Variants in LRFN2 observed in about 807,000 individuals in gnomAD.
LRFN2 encodes the protein leucine-rich repeat and fibronectin type-III domain-containing protein 2.
In LRFN2, 18 loss-of-function variants were observed where a neutral mutation model predicts 37.3. That is an observed-to-expected ratio of 0.48 (90% CI 0.33 to 0.72). LRFN2 has a LOEUF of 0.72. Ranked by LOEUF, LRFN2 falls within the 30% of genes least tolerant of loss-of-function variation. The pLI is 0.02. For synonymous variants in LRFN2, 556 were observed against 466.6 expected, an observed-to-expected ratio of 1.19 and a Z score of -2.47; for missense variants, 1,006 against 1,060.7, an observed-to-expected ratio of 0.95 and a Z score of 0.72.
At chr6:40,485,124 T>C (rs893866553) in intron 1 of LRFN2, among the ~76,000 whole-genome samples, 3 of 152,204 alleles carry the variant, frequency 2.0e-5, no homozygotes, top group Non-Finnish European at 4.4e-5. Context: ...ACAAAAGGGA[T>C]GTTTTTCAGG....
intron 2 of LRFN2, among the ~76,000 whole-genome samples, chr6:40,412,373 A>G (rs1208189021): frequency 1.3e-5 from 2 of 152,140 alleles, no homozygotes; most frequent in Non-Finnish European, 2.9e-5. Context: ...GGTTTTTTAA[A>G]TCAAGGGAAA....
In LRFN2 at chr6:40,392,369, G is replaced by A. The variant is rs779883131; in HGVS notation, c.1944C>T (p.Arg648=). The change falls in exon 3 of 3, where the codon CGC becomes CGT. Residue 648 remains arginine, a synonymous_variant. Coordinates refer to ENST00000338305, the MANE Select transcript of LRFN2 (RefSeq NM_020737.3). This position sits in a 1 kb window ranked among gnomAD's most constrained non-coding sequence, Gnocchi z 4.7. ...TCAGGCGGTCAAGGCTGGGCTTGGG[G>A]CGCGGGGCGGAGGGTGGGATCCTCC... ...APWRIPPSAP[R]PKPSLDRLMG... 6.3e-7 allele frequency: 1 copy of A among 1,599,394 alleles called. No homozygotes were observed. The highest frequency in any genetic ancestry group is 2.3e-5 in the East Asian group (1 of 44,256).
At chr6:40,463,552 C>T (rs1002136826) in intron 1 of LRFN2, among the ~76,000 whole-genome samples, 2 of 152,144 alleles carry the variant, frequency 1.3e-5, no homozygotes, top group Admixed American at 1.3e-4. Flanking sequence ...CATTCCTGCC[C>T]AGCTCTTTAG....
intron 1 of LRFN2, among the ~76,000 whole-genome samples, chr6:40,581,395 C>T (rs1213293471): frequency 6.6e-6 from 1 of 152,162 alleles, no homozygotes; most frequent in African/African-American, 2.4e-5. Context: ...CAAAGTCACA[C>T]AGCAAGTTAC....
At chr6:40,543,255 T>C (rs891867959) in intron 1 of LRFN2, among the ~76,000 whole-genome samples, 7 of 152,230 alleles carry the variant, frequency 4.6e-5, no homozygotes, top group Admixed American at 1.3e-4. Flanking sequence ...TTCTCTCTCA[T>C]TCTGGTTTCT....
intron 1 of LRFN2, among the ~76,000 whole-genome samples, chr6:40,512,139 C>A (rs1227858809): frequency 6.6e-6 from 1 of 152,130 alleles, no homozygotes; most frequent in African/African-American, 2.4e-5. Context: ...GTCTCCAACC[C>A]CCTTAAGGAG....
chr6:40,442,589 C>T (rs1020033313), intron 1 of LRFN2, among the ~76,000 whole-genome samples: 2 of 152,008 alleles, frequency 1.3e-5, no homozygotes, highest in Non-Finnish European at 2.9e-5. Context: ...GACTGGGGCT[C>T]TCTGAGGACA....
intron 1 of LRFN2, among the ~76,000 whole-genome samples, chr6:40,546,939 T>C (rs1386167664): frequency 1.3e-5 from 2 of 152,180 alleles, no homozygotes; most frequent in African/African-American, 4.8e-5. Context: ...TCTTCATTTG[T>C]CAAATGAGAC....
chr6:40,443,746 C>A (rs1389591123), intron 1 of LRFN2, among the ~76,000 whole-genome samples: 1 of 152,026 alleles, frequency 6.6e-6, no homozygotes, highest in Non-Finnish European at 1.5e-5. Flanking sequence ...GATGAAGGGA[C>A]CATTTAGAGA....
At chr6:40,393,113 A>G (rs1392524798) in intron 2 of LRFN2, among the ~76,000 whole-genome samples, 1 of 149,348 alleles carries the variant, frequency 6.7e-6, no homozygotes, top group Non-Finnish European at 1.5e-5. Context: ...AAGGAGAGAG[A>G]AGGAGAGACA....
Position 40,423,511 on chromosome 6 carries a change from C to A in LRFN2, c.1400+8203G>T, listed in dbSNP as rs184346731. ...ATATGCAGAAAGGAATCTCTGTTCT[C>A]ATTTTACATATAAGAAAATAAAGAT... On this transcript the variant is annotated intron_variant, in intron 2 of 2. Coordinates refer to ENST00000338305, the MANE Select transcript of LRFN2 (RefSeq NM_020737.3). 5.3e-5 allele frequency among the ~76,000 whole-genome samples: 8 copies of A among 152,282 alleles called. No homozygotes were observed. In the South Asian group the frequency reaches 1.7e-3, roughly 32 times the overall value.
intron 1 of LRFN2, among the ~76,000 whole-genome samples, chr6:40,471,023 G>C (rs907574501): frequency 6.6e-6 from 1 of 152,194 alleles, no homozygotes; most frequent in Non-Finnish European, 1.5e-5. Context: ...GGTACATCGG[G>C]GTGTGTCCAG....
chr6:40,480,780 T>TA lies in LRFN2; in HGVS notation c.-18-47650dup, dbSNP rs534738269. On this transcript the variant is annotated intron_variant, in intron 1 of 2. Coordinates refer to ENST00000338305, the MANE Select transcript of LRFN2 (RefSeq NM_020737.3). ...GGTTGTGATTAGGACTTATCAATAT[T>TA]ACATGTCACCATGTCGCATATGGGG... Among the ~76,000 whole-genome samples, 188 of 152,290 alleles carry TA rather than the reference T, an allele frequency of 1.2e-3. 2 individuals carry two copies. Among genetic ancestry groups the TA allele is most frequent in the Admixed American group, 5.3e-3 (81 of 15,288 alleles).
intron 2 of LRFN2, among the ~76,000 whole-genome samples, chr6:40,428,176 T>G (rs1447293276): frequency 6.6e-6 from 1 of 152,240 alleles, no homozygotes; most frequent in African/African-American, 2.4e-5. Context: ...GTGTGTACTA[T>G]TATTGCTGCT....
intron 1 of LRFN2, among the ~76,000 whole-genome samples, chr6:40,506,772 G>C (rs557288769): frequency 5.7e-4 from 87 of 152,278 alleles, no homozygotes; most frequent in Middle Eastern, 6.8e-3. Context: ...CCAGGATAGG[G>C]ACGGTGGGAA....
intron 2 of LRFN2, among the ~76,000 whole-genome samples, chr6:40,426,979 T>C (rs768998313): frequency 6.6e-6 from 1 of 152,192 alleles, no homozygotes; most frequent in Non-Finnish European, 1.5e-5. Context: ...ACCAGCTCCA[T>C]CACATTGTGG....
intron 1 of LRFN2, among the ~76,000 whole-genome samples, chr6:40,460,765 T>C (rs985828912): frequency 2.0e-5 from 3 of 152,144 alleles, no homozygotes; most frequent in Non-Finnish European, 2.9e-5. Context: ...CACAGAAAGA[T>C]GAGGAGACTT....
At chr6:40,542,004 T>A (rs540856236) in intron 1 of LRFN2, among the ~76,000 whole-genome samples, 2 of 152,348 alleles carry the variant, frequency 1.3e-5, no homozygotes, top group East Asian at 3.9e-4. Flanking sequence ...ACCAGCTCAG[T>A]ATGTGTCTCT....
intron 1 of LRFN2, among the ~76,000 whole-genome samples, chr6:40,565,756 A>G (rs1767078426): frequency 6.6e-6 from 1 of 151,804 alleles, no homozygotes; most frequent in Non-Finnish European, 1.5e-5. Flanking sequence ...AAAGACTTAC[A>G]TGTTAGACCT....
Sources: gnomAD v4.1 joint callset for allele counts (sites outside exome capture counted in the v4.1 genomes callset) on GRCh38, gnomAD v4.1.1 for gene constraint, Gnocchi (gnomAD v3.1) non-coding constraint, MANE v1.5 for transcripts, NCBI Gene and HGNC (gene_info 2026-07-23, HGNC 2026-07-21) for gene names.